Variants in PTPN14 observed in about 807,000 individuals in gnomAD.
PTPN14 encodes protein tyrosine phosphatase non-receptor type 14, also known as tyrosine-protein phosphatase non-receptor type 14.
A neutral mutation model predicts 126.8 loss-of-function variants in PTPN14; 53 were observed. The observed-to-expected ratio is 0.42, with a 90% CI of 0.34 to 0.53. PTPN14 has a LOEUF of 0.53. PTPN14 is among the 20% of genes least tolerant of loss of function. The pLI, the probability that PTPN14 is intolerant of heterozygous loss-of-function variation, is 0.08. For synonymous variants in PTPN14, 630 were observed against 599.3 expected, an observed-to-expected ratio of 1.05 and a Z score of -0.75; for missense variants, 1,257 against 1,552.9, an observed-to-expected ratio of 0.81 and a Z score of 3.20.
At chr1:214,358,687 G>C (rs1657882184) in intron 18 of PTPN14, among the ~76,000 whole-genome samples, 1 of 151,778 alleles carries the variant, frequency 6.6e-6, no homozygotes, top group Non-Finnish European at 1.5e-5. Flanking sequence ...ATCAAATGAT[G>C]AAACACATAT....
intron 1 of PTPN14, among the ~76,000 whole-genome samples, chr1:214,538,070 C>T (rs1285475216): frequency 6.6e-6 from 1 of 152,208 alleles, no homozygotes; most frequent in Non-Finnish European, 1.5e-5. Flanking sequence ...AAATGCTAAA[C>T]AGCCACATGG....
At chr1:214,536,399 C>T (rs1350824381) in intron 1 of PTPN14, among the ~76,000 whole-genome samples, 7 of 151,778 alleles carry the variant, frequency 4.6e-5, no homozygotes, top group African/African-American at 1.7e-4. Context: ...CAGAGCAAGA[C>T]CTTGTCTTTA....
chr1:214,403,592 G>C (rs536713299), intron 5 of PTPN14, among the ~76,000 whole-genome samples: 3 of 152,300 alleles, frequency 2.0e-5, no homozygotes, highest in South Asian at 4.2e-4. Flanking sequence ...TATGGGCTCA[G>C]AAGAACTGAT....
intron 1 of PTPN14, among the ~76,000 whole-genome samples, chr1:214,467,989 T>A (rs1217885984): frequency 6.6e-6 from 1 of 151,990 alleles, no homozygotes; most frequent in Non-Finnish European, 1.5e-5. Context: ...TAAAAGAGAT[T>A]TAGGAATTAT....
chr1:214,377,830 T>C (rs1171261895), intron 14 of PTPN14, 129 bp downstream of exon 14: 3 of 1,168,358 alleles, frequency 2.6e-6, no homozygotes, highest in Non-Finnish European at 3.6e-6. Flanking sequence ...TTATACCTGA[T>C]CTTCCTAATC....
chr1:214,408,842 G>A (rs1659230425), intron 5 of PTPN14, among the ~76,000 whole-genome samples: 1 of 152,078 alleles, frequency 6.6e-6, no homozygotes, highest in Non-Finnish European at 1.5e-5. Context: ...CAAAGGCTCT[G>A]GGGTGAGGAG....
chr1:214,543,418 A>G (rs1162724480), intron 1 of PTPN14, among the ~76,000 whole-genome samples: 1 of 152,198 alleles, frequency 6.6e-6, no homozygotes, highest in Non-Finnish European at 1.5e-5. Flanking sequence ...TTAAAAATGG[A>G]ATTTGTCTCC....
chr1:214,349,267 G>A lies in PTPN14; in HGVS notation c.*8655C>T, dbSNP rs1009194223. ...TCTTACGGCAACAACATAAGAGATG[G>A]TGATTAAATGTCTGGGTCAGCCCAC... On this transcript the variant is annotated 3_prime_UTR_variant, in exon 19 of 19. Coordinates refer to ENST00000366956, the MANE Select transcript of PTPN14 (RefSeq NM_005401.5). The A allele has an allele frequency of 6.6e-6, 1 of 152,192 alleles. No homozygotes were observed. The highest frequency in any genetic ancestry group is 1.5e-5 in the Non-Finnish European group (1 of 68,046). 9.4% of individuals were successfully genotyped at this position (152,192 alleles called of 1,614,324 possible). A position where few individuals can be genotyped will look rare whatever the true frequency, so the allele number is the denominator to read the frequency against.
At chr1:214,446,359 T>G (rs930402050) in intron 3 of PTPN14, among the ~76,000 whole-genome samples, 3 of 152,222 alleles carry the variant, frequency 2.0e-5, no homozygotes, top group African/African-American at 7.2e-5. Context: ...AGGGCCTGAG[T>G]TATCCATTTC....
intron 1 of PTPN14, among the ~76,000 whole-genome samples, chr1:214,506,233 G>A (rs1654840755): frequency 6.6e-6 from 1 of 152,208 alleles, no homozygotes; most frequent in Non-Finnish European, 1.5e-5. Flanking sequence ...GCCAGGCACG[G>A]TGGCTCACAC....
chr1:214,487,706 T>C lies in PTPN14; in HGVS notation c.-154-22749A>G, dbSNP rs539475298. ...AAAAAAGCTCCATCAATATATACTT[T>C]GCAATTAGTCTGTGAAGAAGGTTTG... is the stretch of plus-strand genomic sequence containing the variant. On this transcript the variant is annotated intron_variant, in intron 1 of 18. Transcript: ENST00000366956. Among the ~76,000 whole-genome samples, 20 of 152,194 alleles carry C rather than the reference T, an allele frequency of 1.3e-4. No homozygotes were observed. The highest frequency in any genetic ancestry group is 3.4e-3 in the Middle Eastern group (1 of 294).
rs376597176 is a variant in PTPN14 at position 214,500,328 on chromosome 1, C to G, written c.-154-35371G>C. Among the ~76,000 whole-genome samples, 258 of 152,166 alleles carry G rather than the reference C, an allele frequency of 1.7e-3. 1 individual carries two copies. Among genetic ancestry groups the G allele is most frequent in the African/African-American group, 5.8e-3 (240 of 41,530 alleles). On this transcript the variant is annotated intron_variant, in intron 1 of 18. Transcript: ENST00000366956. Reference sequence around the variant, plus strand: ...ATTAGAAGGAGCCAGAGATCTACCCCCTTCCCTTCCTAAATAAGCTGCAAT... The same window carrying G: ...ATTAGAAGGAGCCAGAGATCTACCCGCTTCCCTTCCTAAATAAGCTGCAAT...
At chr1:214,424,817 G>A (rs1382415670) in intron 3 of PTPN14, among the ~76,000 whole-genome samples, 5 of 152,188 alleles carry the variant, frequency 3.3e-5, no homozygotes, top group Non-Finnish European at 7.3e-5. Flanking sequence ...CCAAAGTGCT[G>A]GGATTGCAGG....
Position 214,416,833 on chromosome 1 carries a change from G to T in PTPN14, c.345-2107C>A, listed in dbSNP as rs549504588. On this transcript the variant is annotated intron_variant, in intron 3 of 18. Transcript: ENST00000366956. ...TTTTATAAAATATTATAATTCTATC[G>T]AATATGATGACTAAATTTGACAACA... Among the ~76,000 whole-genome samples the T allele has an allele frequency of 5.3e-5, 8 of 152,178 alleles. No individual in the cohort carries two copies. The South Asian group carries it at 1.7e-3, about 32-fold the overall frequency.
At chr1:214,374,408 T>C (rs186692273) in intron 15 of PTPN14, among the ~76,000 whole-genome samples, 129 of 152,362 alleles carry the variant, frequency 8.5e-4, no homozygotes, top group African/African-American at 3.0e-3. Context: ...CATTAGCCTC[T>C]CTGGCACCCA....
chr1:214,360,436 A>G (rs1657930104), intron 18 of PTPN14, among the ~76,000 whole-genome samples: 2 of 152,212 alleles, frequency 1.3e-5, no homozygotes, highest in Admixed American at 1.3e-4. Context: ...CAAAATACAG[A>G]GCCTAGGTTA....
intron 1 of PTPN14, among the ~76,000 whole-genome samples, chr1:214,501,922 G>A (rs1654709943): frequency 6.6e-6 from 1 of 152,034 alleles, no homozygotes; most frequent in Non-Finnish European, 1.5e-5. Flanking sequence ...AGCCAGGCAT[G>A]GTGGTGGGCG....
At chr1:214,465,035 G>GCCCCCCCCCCCCCCCC (rs1183571712) in intron 1 of PTPN14, 78 bp from the exon 2 acceptor site, 2 of 278,408 alleles carry the variant, frequency 7.2e-6, no homozygotes, top group African/African-American at 9.8e-5. Flanking sequence ...ACACACAGAA[G>GCCCCCCCCCCCCCCCC]CCCCCCCCCC....
chr1:214,432,758 C>T lies in PTPN14; in HGVS notation c.345-18032G>A, dbSNP rs186354069. Reference sequence around the variant, plus strand: ...GTTTTTTTTTAAAAGAAAAGCAAAACTAATATATGATATTAGAATTCAGGA... The same window carrying T: ...GTTTTTTTTTAAAAGAAAAGCAAAATTAATATATGATATTAGAATTCAGGA... On this transcript the variant is annotated intron_variant, in intron 3 of 18. Coordinates refer to ENST00000366956, the MANE Select transcript of PTPN14 (RefSeq NM_005401.5). 2.4e-3 allele frequency among the ~76,000 whole-genome samples: 362 copies of T among 152,104 alleles called. 1 individual carries two copies. Among genetic ancestry groups the T allele is most frequent in the Admixed American group, 5.8e-3 (88 of 15,270 alleles).
Sources: allele counts gnomAD v4.1 joint callset (sites outside exome capture counted in the v4.1 genomes callset), GRCh38; gene constraint gnomAD v4.1.1; transcripts MANE v1.5; gene names NCBI Gene and HGNC (gene_info 2026-07-23, HGNC 2026-07-21).